Variants in CTNNA2 observed in about 807,000 individuals in gnomAD.
The protein encoded by CTNNA2 is catenin alpha 2.
In CTNNA2, 42 loss-of-function variants were observed where a neutral mutation model predicts 101.0. The observed-to-expected ratio is 0.42, with a 90% confidence interval of 0.32 to 0.54. The LOEUF (loss-of-function observed/expected upper bound fraction) is 0.54. Ranked by LOEUF, CTNNA2 falls within the 20% of genes least tolerant of loss-of-function variation. The pLI, the probability that CTNNA2 is intolerant of heterozygous loss-of-function variation, is 0.14. For synonymous variants in CTNNA2, 450 were observed against 456.4 expected (o/e 0.99, Z 0.18); for missense variants, 871 against 1,223.1 (o/e 0.71, Z 4.29).
chr2:79,254,461 C>T (rs1674815819), intron 2 of CTNNA2, among the ~76,000 whole-genome samples: 2 of 152,176 alleles, frequency 1.3e-5, no homozygotes, highest in African/African-American at 4.8e-5. Flanking sequence ...CCTCCCTCTA[C>T]ACTCTCTTTC....
At chr2:79,515,705 G>A (rs1671769798) in intron 1 of CTNNA2, among the ~76,000 whole-genome samples, 1 of 152,194 alleles carries the variant, frequency 6.6e-6, no homozygotes, top group Non-Finnish European at 1.5e-5. Flanking sequence ...AGCAACTAGT[G>A]TCTTTGAAAA....
At chr2:79,311,302 G>A (rs565212608) in intron 2 of CTNNA2, among the ~76,000 whole-genome samples, 12 of 151,798 alleles carry the variant, frequency 7.9e-5, no homozygotes, top group South Asian at 2.1e-4. Flanking sequence ...CCAGCTACTC[G>A]GGAGGCTGAG....
At chr2:79,418,145 A>G (rs886662725) in intron 4 of CTNNA2, among the ~76,000 whole-genome samples, 2 of 152,078 alleles carry the variant, frequency 1.3e-5, no homozygotes, top group East Asian at 1.9e-4. Flanking sequence ...TGGATCACTG[A>G]TAATCAGAGC....
intron 7 of CTNNA2, among the ~76,000 whole-genome samples, chr2:79,989,978 A>G (rs963487548): frequency 1.3e-5 from 2 of 152,148 alleles, no homozygotes; most frequent in African/African-American, 4.8e-5. Context: ...CTAGCAGCTG[A>G]TGTAATATTT....
At chr2:80,620,552 A>G (rs78698330) in intron 18 of CTNNA2, among the ~76,000 whole-genome samples, 1 of 151,968 alleles carries the variant, frequency 6.6e-6, no homozygotes, top group Admixed American at 6.6e-5. Flanking sequence ...AAAGAAAGGT[A>G]GGGCCATAAC....
At chr2:79,939,673 T>C (rs1574363148) in intron 7 of CTNNA2, among the ~76,000 whole-genome samples, 1 of 152,354 alleles carries the variant, frequency 6.6e-6, no homozygotes, top group East Asian at 1.9e-4. Flanking sequence ...AACTAAAAGT[T>C]TAGCAATAAG....
chr2:80,269,285 T>C (rs1315194512), intron 7 of CTNNA2, among the ~76,000 whole-genome samples: 1 of 152,128 alleles, frequency 6.6e-6, no homozygotes, highest in African/African-American at 2.4e-5. Flanking sequence ...CTCACAAGAT[T>C]GGATGGTTTT....
intron 7 of CTNNA2, among the ~76,000 whole-genome samples, chr2:80,241,216 G>T (rs1474872048): frequency 6.7e-6 from 1 of 148,386 alleles, no homozygotes; most frequent in Non-Finnish European, 1.5e-5. Context: ...TGATTTTATG[G>T]AGTCCTTTTT....
At chr2:79,798,747 G>A (rs1261723004) in intron 3 of CTNNA2, among the ~76,000 whole-genome samples, 2 of 152,198 alleles carry the variant, frequency 1.3e-5, no homozygotes, top group East Asian at 1.9e-4. Context: ...AAATGTAAAA[G>A]CATTGGCACA....
chr2:79,397,688 A>G (rs757686694), intron 4 of CTNNA2, among the ~76,000 whole-genome samples: 46 of 151,968 alleles, frequency 3.0e-4, no homozygotes, highest in Non-Finnish European at 5.6e-4. Flanking sequence ...TTTAGAGACA[A>G]GGTCTCACTT....
chr2:79,997,284 T>G (rs1197228227), intron 7 of CTNNA2, among the ~76,000 whole-genome samples: 1 of 150,590 alleles, frequency 6.6e-6, no homozygotes, highest in Non-Finnish European at 1.5e-5. Context: ...TCTACTATGT[T>G]TATTTCTAGA....
At chr2:80,249,691 A>G (rs566930958) in intron 7 of CTNNA2, among the ~76,000 whole-genome samples, 2 of 152,168 alleles carry the variant, frequency 1.3e-5, no homozygotes, top group African/African-American at 4.8e-5. Flanking sequence ...TCTAAGATAC[A>G]TATTTAAAAC....
At chr2:80,002,322 C>A (rs1693008558) in intron 7 of CTNNA2, among the ~76,000 whole-genome samples, 1 of 152,092 alleles carries the variant, frequency 6.6e-6, no homozygotes, top group South Asian at 2.1e-4. Flanking sequence ...TTGAGACCAC[C>A]ATGAAAGTGT....
chr2:80,550,925 G>A (rs1186429141), intron 11 of CTNNA2, among the ~76,000 whole-genome samples: 2 of 152,130 alleles, frequency 1.3e-5, no homozygotes, highest in African/African-American at 2.4e-5. Flanking sequence ...CTTTCCAGAA[G>A]GCCTTTAATT....
At chr2:79,555,320 C>T (rs1423301402) in intron 1 of CTNNA2, among the ~76,000 whole-genome samples, 1 of 152,106 alleles carries the variant, frequency 6.6e-6, no homozygotes, top group African/African-American at 2.4e-5. Context: ...CCACCCTGAG[C>T]CTTTCCCTCA....
chr2:79,866,996 C>A (rs1457100121), intron 4 of CTNNA2, among the ~76,000 whole-genome samples: 2 of 152,150 alleles, frequency 1.3e-5, no homozygotes, highest in Non-Finnish European at 2.9e-5. Flanking sequence ...TCATAGCCCT[C>A]CTCACACAGT....
At chr2:79,201,233 AAAC>A (rs1413146706) in intron 2 of CTNNA2, among the ~76,000 whole-genome samples, 3 of 152,166 alleles carry the variant, frequency 2.0e-5, no homozygotes, top group Admixed American at 1.3e-4. Flanking sequence ...AGAAACAAAC[AAAC>A]AACAACAAAA....
At chr2:80,599,842 T>C (rs907497429) in intron 15 of CTNNA2, among the ~76,000 whole-genome samples, 2 of 152,078 alleles carry the variant, frequency 1.3e-5, no homozygotes, top group African/African-American at 2.4e-5. Flanking sequence ...GTTACATATG[T>C]ATACATGTGC....
intron 1 of CTNNA2, among the ~76,000 whole-genome samples, chr2:79,595,608 G>A (rs1354162137): frequency 3.3e-5 from 5 of 152,064 alleles, no homozygotes; most frequent in Non-Finnish European, 7.4e-5. Context: ...CAGCATACAA[G>A]CCCCTGTTGA....
Sources: gnomAD v4.1 joint callset for allele counts (sites outside exome capture counted in the v4.1 genomes callset) on GRCh38, gnomAD v4.1.1 for gene constraint, MANE v1.5 for transcripts, NCBI Gene and HGNC (gene_info 2026-07-23, HGNC 2026-07-21) for gene names.